Variants in CLIC6 observed in about 807,000 individuals in gnomAD.
CLIC6 encodes the protein CLIC family member 6, also known as chloride intracellular channel protein 6.
In CLIC6, 39 loss-of-function variants were observed where a neutral mutation model predicts 49.2. The ratio of observed to expected loss-of-function variants is 0.79; its 90% CI spans 0.61 to 1.04. The LOEUF is 1.04. CLIC6 is among the 50% of genes least tolerant of loss of function. The pLI is 0.00. For missense variants in CLIC6, 988 were observed against 993.1 expected, an observed-to-expected ratio of 0.99 and a Z score of 0.07; for synonymous variants, 446 against 433.4, an observed-to-expected ratio of 1.03 and a Z score of -0.36.
At chr21:34,671,138 AAAAAG>A (rs1174903360) in intron 1 of CLIC6, among the ~76,000 whole-genome samples, 19 of 78,654 alleles carry the variant, frequency 2.4e-4, no homozygotes, top group African/African-American at 6.3e-4. Context: ...AAAAAAAAAA[AAAAAG>A]AAGAAGAAGA....
chr21:34,696,985 G>A (rs1990099910), intron 1 of CLIC6, among the ~76,000 whole-genome samples: 1 of 152,096 alleles, frequency 6.6e-6, no homozygotes, highest in African/African-American at 2.4e-5. Flanking sequence ...CTCACCAGCT[G>A]CTGATGGGTT....
intron 1 of CLIC6, among the ~76,000 whole-genome samples, chr21:34,703,231 C>G (rs1199783565): frequency 6.6e-6 from 1 of 152,194 alleles, no homozygotes; most frequent in Non-Finnish European, 1.5e-5. Flanking sequence ...CTTCTCTCCA[C>G]CACCTCCAAA....
At chr21:34,677,948 C>T (rs8128605) in intron 1 of CLIC6, among the ~76,000 whole-genome samples, 2,378 of 152,268 alleles carry the variant, frequency 0.016, 69 homozygotes, top group African/African-American at 0.055. Flanking sequence ...AAGAATAATT[C>T]ATGACTCATG....
At chr21:34,681,249 G>A (rs115687117) in intron 1 of CLIC6, among the ~76,000 whole-genome samples, 2,384 of 152,340 alleles carry the variant, frequency 0.016, 69 homozygotes, top group African/African-American at 0.055. Flanking sequence ...CATTTATAAA[G>A]CCATCAGATC....
intron 1 of CLIC6, chr21:34,706,107 T>C (rs937290007): frequency 3.0e-6 from 2 of 669,624 alleles, no homozygotes; most frequent in African/African-American, 3.6e-5. Flanking sequence ...GAAAAGAGGC[T>C]GAATTGGCTC....
At chr21:34,698,140 T>C (rs757390548) in intron 1 of CLIC6, among the ~76,000 whole-genome samples, 1 of 152,248 alleles carries the variant, frequency 6.6e-6, no homozygotes, top group African/African-American at 2.4e-5. Context: ...AGGAGTCTCA[T>C]AGACCTGTGA....
intron 1 of CLIC6, among the ~76,000 whole-genome samples, chr21:34,693,903 TC>T (rs1990042835): frequency 6.6e-6 from 1 of 151,714 alleles, no homozygotes; most frequent in East Asian, 1.9e-4. Context: ...TGGAGAGAAC[TC>T]CCCCCTTGCT....
intron 1 of CLIC6, among the ~76,000 whole-genome samples, chr21:34,691,337 CACT>C (rs1436334867): frequency 1.5e-5 from 2 of 133,426 alleles, no homozygotes; most frequent in African/African-American, 5.8e-5. Context: ...CTAAATGCCA[CACT>C]TTTTTTTTGA....
chr21:34,705,945 G>A, intron 1 of CLIC6: 1 of 571,988 alleles, frequency 1.7e-6, no homozygotes, highest in Non-Finnish European at 3.1e-6. Context: ...ACATTCCTAG[G>A]CCCCATGCAG....
At chr21:34,715,937 A>G (rs942017163) in intron 5 of CLIC6, among the ~76,000 whole-genome samples, 10 of 152,256 alleles carry the variant, frequency 6.6e-5, no homozygotes, top group Non-Finnish European at 1.3e-4. Context: ...TTTAAACAGC[A>G]GATCCACCAT....
intron 1 of CLIC6, among the ~76,000 whole-genome samples, chr21:34,704,267 T>C (rs986879478): frequency 4.6e-5 from 7 of 152,210 alleles, no homozygotes; most frequent in Non-Finnish European, 7.3e-5. Flanking sequence ...AGATGGCGTA[T>C]CTTCGCCTTT....
At position 34,670,688 on chromosome 21, in the gene CLIC6, G is replaced by A. The variant is rs772718177; in HGVS notation, c.1300G>A (p.Gly434Ser). Reference sequence around the variant, plus strand: ...TAGCGGCGAGGCCGCGCGCGTGAACGGCCGCCGGGAGGACGGAGAGGCGTC... The same window carrying A: ...TAGCGGCGAGGCCGCGCGCGTGAACAGCCGCCGGGAGGACGGAGAGGCGTC... ...EGSGEAARVN[G>S]RREDGEASEP... Residue 434 changes from glycine to serine, a missense_variant, in exon 1 of 6, where the codon GGC (glycine) becomes AGC (serine). Gly to Ser is a moderately conservative substitution (Grantham distance 56). Coordinates refer to ENST00000349499, the MANE Select transcript of CLIC6 (RefSeq NM_053277.3). 1.9e-6 allele frequency: 3 copies of A among 1,580,838 alleles called. No homozygotes were observed. The Admixed American group carries it at 5.3e-5, about 28-fold the overall frequency.
At chr21:34,703,115 G>A (rs1373098315) in intron 1 of CLIC6, among the ~76,000 whole-genome samples, 1 of 152,154 alleles carries the variant, frequency 6.6e-6, no homozygotes, top group Non-Finnish European at 1.5e-5. Flanking sequence ...TTTCTGCAGG[G>A]ACTGGCATCC....
chr21:34,705,292 G>C (rs897131299), intron 1 of CLIC6, among the ~76,000 whole-genome samples: 1 of 152,140 alleles, frequency 6.6e-6, no homozygotes, highest in Admixed American at 6.6e-5. Context: ...ATCAGCCACT[G>C]GGAGTTTTCT....
rs567369551 is a variant in CLIC6 at position 34,673,348 on chromosome 21, G to A, written c.1374+2586G>A. On this transcript the variant is annotated intron_variant, in intron 1 of 5. Coordinates refer to ENST00000349499, the MANE Select transcript of CLIC6 (RefSeq NM_053277.3). ...TCTGTCACCCAGACAGGAGTGCAGT[G>A]GTGCTATCTCAGCTCACTGCAACCT... Among the ~76,000 whole-genome samples, 13 of 152,116 alleles carry A rather than the reference G, an allele frequency of 8.5e-5. 1 individual carries two copies. Among genetic ancestry groups the A allele is most frequent in the African/African-American group, 2.9e-4 (12 of 41,480 alleles).
chr21:34,697,729 T>C (rs7280979), intron 1 of CLIC6, among the ~76,000 whole-genome samples: 25,866 of 152,066 alleles, frequency 0.17, 2,394 homozygotes, highest in African/African-American at 0.25. Context: ...GGTGAGTTGG[T>C]CACGCAGTGA....
chr21:34,672,906 G>A (rs1342786223), intron 1 of CLIC6, among the ~76,000 whole-genome samples: 1 of 152,192 alleles, frequency 6.6e-6, no homozygotes, highest in Non-Finnish European at 1.5e-5. Flanking sequence ...AAAAGTGCCT[G>A]GCTGGAAATA....
chr21:34,709,047 C>G (rs367825355), intron 4 of CLIC6, among the ~76,000 whole-genome samples: 2 of 152,334 alleles, frequency 1.3e-5, no homozygotes, highest in African/African-American at 4.8e-5. Flanking sequence ...CCCAGGTGTT[C>G]CGGACACACC....
intron 1 of CLIC6, among the ~76,000 whole-genome samples, chr21:34,698,982 T>C (rs1278796789): frequency 2.0e-4 from 31 of 152,144 alleles, no homozygotes; most frequent in Admixed American, 2.0e-3. Flanking sequence ...AGTTTCCATC[T>C]TGAGCACCAG....
Sources: gnomAD v4.1 joint callset for allele counts (sites outside exome capture counted in the v4.1 genomes callset) on GRCh38, gnomAD v4.1.1 for gene constraint, MANE v1.5 for transcripts, NCBI Gene and HGNC (gene_info 2026-07-23, HGNC 2026-07-21) for gene names.